Variants in CCDC171 observed in about 807,000 individuals in gnomAD.
CCDC171 encodes the protein coiled-coil domain containing 171, also known as coiled-coil domain-containing protein 171.
A neutral mutation model predicts 168.2 loss-of-function variants in CCDC171; 177 were observed. That is an observed-to-expected ratio of 1.05 (90% CI 0.93 to 1.19). CCDC171 has a LOEUF of 1.19. Ranked by LOEUF, CCDC171 falls within the 50% of genes most tolerant of loss-of-function variation. CCDC171 has a pLI of 0.00. For synonymous variants in CCDC171, 687 were observed against 540.8 expected (o/e 1.27, Z -3.75); for missense variants, 1,991 against 1,539.0 (o/e 1.29, Z -4.91).
chr9:15,554,989 C>T (rs911931553), intron 1 of CCDC171, among the ~76,000 whole-genome samples: 8 of 152,078 alleles, frequency 5.3e-5, no homozygotes, highest in Non-Finnish European at 8.8e-5. Flanking sequence ...CCTCGTTTTT[C>T]CTCTGATCTG....
intron 23 of CCDC171, among the ~76,000 whole-genome samples, chr9:15,861,546 C>T (rs1219676246): frequency 2.0e-5 from 3 of 151,156 alleles, no homozygotes; most frequent in Non-Finnish European, 3.0e-5. Context: ...ATTTTGTTTC[C>T]AGTTACCCTG....
chr9:15,914,528 G>A (rs2987059), intron 24 of CCDC171, among the ~76,000 whole-genome samples: 113,622 of 152,048 alleles, frequency 0.75, 44,051 homozygotes, highest in East Asian at 0.85. Flanking sequence ...GGTTGACTTC[G>A]GACTGCTGTG....
At chr9:15,637,729 C>T (rs199970204) in intron 7 of CCDC171, among the ~76,000 whole-genome samples, 1 of 149,606 alleles carries the variant, frequency 6.7e-6, no homozygotes, top group Non-Finnish European at 1.5e-5. Flanking sequence ...GTTTGGTTTT[C>T]TGTCCTTGCG....
intron 7 of CCDC171, among the ~76,000 whole-genome samples, chr9:15,650,305 G>T (rs923818619): frequency 1.1e-4 from 17 of 152,080 alleles, no homozygotes; most frequent in African/African-American, 4.1e-4. Context: ...TGTAAATGAT[G>T]AGTTGATGGG....
At chr9:16,085,189 A>G in the CCDC171 span, among the ~76,000 whole-genome samples, 1 of 152,196 alleles carries the variant, frequency 6.6e-6, no homozygotes, top group Non-Finnish European at 1.5e-5. Flanking sequence ...TCGACACTCC[A>G]TCCATAAATG....
At chr9:16,087,861 T>A in the CCDC171 span, among the ~76,000 whole-genome samples, 1 of 152,164 alleles carries the variant, frequency 6.6e-6, no homozygotes, top group Non-Finnish European at 1.5e-5. Flanking sequence ...TATAGTTTGG[T>A]ATGTTTTTGC....
intron 1 of CCDC171, among the ~76,000 whole-genome samples, chr9:16,054,855 T>TAC (rs1305503912): frequency 6.6e-6 from 1 of 152,062 alleles, no homozygotes; most frequent in African/African-American, 2.4e-5. Context: ...CAATGAGCAT[T>TAC]GTTGTGACAA....
intron 6 of CCDC171, among the ~76,000 whole-genome samples, chr9:15,617,472 G>T (rs993640785): frequency 4.6e-5 from 7 of 151,596 alleles, no homozygotes; most frequent in Non-Finnish European, 8.8e-5. Context: ...CGCCTCCTGG[G>T]TTCATGCCAT....
At chr9:15,853,895 A>C (rs2061239802) in intron 23 of CCDC171, among the ~76,000 whole-genome samples, 1 of 151,364 alleles carries the variant, frequency 6.6e-6, no homozygotes, top group South Asian at 2.1e-4. Flanking sequence ...GATGTTTTGT[A>C]CTACCTAACA....
chr9:16,067,550 T>C, the CCDC171 span, among the ~76,000 whole-genome samples: 1 of 152,252 alleles, frequency 6.6e-6, no homozygotes, highest in Non-Finnish European at 1.5e-5. Context: ...GCCCATGTCC[T>C]GAATAGTAAT....
intron 24 of CCDC171, among the ~76,000 whole-genome samples, chr9:15,891,761 G>C (rs1429509372): frequency 6.6e-6 from 1 of 152,124 alleles, no homozygotes; most frequent in Admixed American, 6.6e-5. Context: ...ATTTAACCCT[G>C]TGCTTAATAG....
At chr9:15,978,315 G>A (rs16933858), downstream of CCDC171, among the ~76,000 whole-genome samples, 11,872 of 152,182 alleles carry the variant, frequency 0.078, 1,515 homozygotes, top group African/African-American at 0.27. Context: ...ACAATTAAAA[G>A]TGCTTTCTAA....
chr9:15,664,247 A>C (rs1337985522), intron 8 of CCDC171, among the ~76,000 whole-genome samples: 1 of 151,830 alleles, frequency 6.6e-6, no homozygotes, highest in Admixed American at 6.6e-5. Context: ...ACACTTTTAC[A>C]CCTTAATTTA....
chr9:15,805,218 A>G (rs770148087), intron 21 of CCDC171, among the ~76,000 whole-genome samples: 1 of 152,042 alleles, frequency 6.6e-6, no homozygotes, highest in East Asian at 1.9e-4. Context: ...GATCTTTTGA[A>G]TGGTTTTTCC....
intron 25 of CCDC171, among the ~76,000 whole-genome samples, chr9:15,945,585 G>A (rs1172941452): frequency 1.6e-5 from 2 of 128,912 alleles, no homozygotes; most frequent in African/African-American, 5.3e-5. Context: ...ACTGGTGTGA[G>A]ATGATATCTC....
At chr9:16,052,305 C>T (rs1021692355) in intron 1 of CCDC171, among the ~76,000 whole-genome samples, 2 of 152,164 alleles carry the variant, frequency 1.3e-5, no homozygotes, top group African/African-American at 4.8e-5. Flanking sequence ...TCATCATGGG[C>T]TGTCATTGTG....
intron 7 of CCDC171, among the ~76,000 whole-genome samples, chr9:15,651,903 A>C (rs191507268): frequency 6.6e-6 from 1 of 152,166 alleles, no homozygotes; most frequent in Non-Finnish European, 1.5e-5. Context: ...ATCTAAGGTC[A>C]TGAAGATTTT....
chr9:15,772,665 A>C (rs141115308), intron 18 of CCDC171, among the ~76,000 whole-genome samples: 35 of 152,326 alleles, frequency 2.3e-4, no homozygotes, highest in Admixed American at 7.8e-4. Context: ...TGTTTTAAGG[A>C]GTTTAAAATC....
chr9:15,995,095 A>C (rs887559611), intron 3 of CCDC171, among the ~76,000 whole-genome samples: 1 of 152,150 alleles, frequency 6.6e-6, no homozygotes, highest in Non-Finnish European at 1.5e-5. Flanking sequence ...TTGAAAACCC[A>C]CACCCACGCC....
Sources: gnomAD v4.1 joint callset for allele counts (sites outside exome capture counted in the v4.1 genomes callset) on GRCh38, gnomAD v4.1.1 for gene constraint, MANE v1.5 for transcripts, NCBI Gene and HGNC (gene_info 2026-07-23, HGNC 2026-07-21) for gene names.